The following NUP153 variants were observed in gnomAD, a reference collection of about 807,000 sequenced individuals.
NUP153 encodes nuclear pore complex protein Nup153.
Under a neutral mutation model 134.6 loss-of-function variants are expected in NUP153, and 27 were observed. The observed-to-expected ratio is 0.20, with a 90% confidence interval of 0.15 to 0.28. NUP153 has a LOEUF of 0.28. Among genes scored for constraint, NUP153 ranks in the 10% least tolerant of loss-of-function variants. The probability of loss-of-function intolerance (pLI) is 1.00; values close to 1 mark genes in which losing one functional copy is unlikely to be tolerated. For missense variants in NUP153, 1,821 were observed against 1,731.3 expected, an observed-to-expected ratio of 1.05 and a Z score of -0.92; for synonymous variants, 640 against 623.5, an observed-to-expected ratio of 1.03 and a Z score of -0.40.
At chr6:17,705,656 G>C (rs1362565629) in intron 1 of NUP153, among the ~76,000 whole-genome samples, 2 of 151,796 alleles carry the variant, frequency 1.3e-5, no homozygotes, top group African/African-American at 4.9e-5. Context: ...AAATGCCCCA[G>C]TGCCACGGTT....
intron 2 of NUP153, among the ~76,000 whole-genome samples, chr6:17,677,425 G>T (rs1768285663): frequency 6.6e-6 from 1 of 151,992 alleles, no homozygotes; most frequent in African/African-American, 2.4e-5. Context: ...GTAGGGGGTG[G>T]GGGAGAGTAG....
intron 2 of NUP153, among the ~76,000 whole-genome samples, chr6:17,682,594 A>G (rs1768655544): frequency 6.6e-6 from 1 of 152,122 alleles, no homozygotes; most frequent in Non-Finnish European, 1.5e-5. Context: ...AAATGTGCAC[A>G]GTATCTTCAC....
intron 5 of NUP153, among the ~76,000 whole-genome samples, chr6:17,669,992 G>A (rs1007932262): frequency 6.6e-6 from 1 of 151,176 alleles, no homozygotes; most frequent in Non-Finnish European, 1.5e-5. Flanking sequence ...CTACTCGAGA[G>A]GCTGAGGCAG....
chr6:17,675,792 T>G lies in NUP153; in HGVS notation c.335-22A>C. 6.2e-7 allele frequency: 1 copy of G among 1,606,400 alleles called. No homozygotes were observed. The highest frequency in any genetic ancestry group is 8.5e-7 in the Non-Finnish European group (1 of 1,172,920). The stretch of plus-strand genomic sequence containing the variant: ...GGTTCTTAAAAGAAAAGCATTAATA[T>G]TATGAATATACAACTTAGAGCGATA... On this transcript the variant is annotated intron_variant, in intron 2 of 21. Coordinates refer to ENST00000262077, the MANE Select transcript of NUP153 (RefSeq NM_005124.4). This position sits in a 1 kb window ranked among gnomAD's most constrained non-coding sequence, Gnocchi z 4.4.
chr6:17,697,783 A>C (rs1277223162), intron 1 of NUP153, among the ~76,000 whole-genome samples: 6 of 152,176 alleles, frequency 3.9e-5, no homozygotes, highest in Non-Finnish European at 8.8e-5. Flanking sequence ...CTATTCTATA[A>C]CACTAACTCA....
At position 17,675,013 on chromosome 6, in the gene NUP153, G is replaced by A. The variant is rs1768130830; in HGVS notation, c.744C>T (p.Ile248=). 1 of 1,613,424 alleles carries A rather than the reference G, an allele frequency of 6.2e-7. No homozygotes were observed. The change falls in exon 5 of 22, where the codon ATC becomes ATT. Residue 248 remains isoleucine (I), a synonymous_variant. Transcript: ENST00000262077. This position sits in a 1 kb window ranked among gnomAD's most constrained non-coding sequence, Gnocchi z 4.4. ...TLSPSLGNSS[I]LKTSQLGDSP... ...AATCTCCAAGCTGACTGGTTTTAAG[G>A]ATTGAAGAATTCCCAAGTGACTGCA... is the stretch of plus-strand genomic sequence containing the variant.
chr6:17,691,780 A>G (rs1392552147), intron 1 of NUP153, among the ~76,000 whole-genome samples: 2 of 152,080 alleles, frequency 1.3e-5, no homozygotes, highest in Non-Finnish European at 2.9e-5. Context: ...ACAAAGACAT[A>G]CTTGATATAG....
chr6:17,683,909 T>A (rs555343143), intron 2 of NUP153, among the ~76,000 whole-genome samples: 3 of 152,162 alleles, frequency 2.0e-5, no homozygotes. Flanking sequence ...TGATCCTCAA[T>A]GTTGGAAGTG....
At chr6:17,664,424 T>C (rs540817985) in intron 9 of NUP153, among the ~76,000 whole-genome samples, 2 of 152,110 alleles carry the variant, frequency 1.3e-5, no homozygotes, top group South Asian at 4.2e-4. Flanking sequence ...AGGGTGAGGG[T>C]TTGAGGTCTG....
intron 16 of NUP153, among the ~76,000 whole-genome samples, chr6:17,636,328 CTG>C (rs1276604757): frequency 1.4e-5 from 2 of 139,192 alleles, no homozygotes; most frequent in Non-Finnish European, 3.0e-5. Flanking sequence ...CAGTGAGACT[CTG>C]TCTCAAAAAA....
chr6:17,690,301 G>C (rs765969624), intron 1 of NUP153, among the ~76,000 whole-genome samples: 4 of 102,106 alleles, frequency 3.9e-5, no homozygotes, highest in Admixed American at 1.0e-4. Context: ...GCAGTGAGCC[G>C]AATGTGCAGT....
At chr6:17,695,153 T>C (rs1350005153) in intron 1 of NUP153, among the ~76,000 whole-genome samples, 6 of 152,214 alleles carry the variant, frequency 3.9e-5, no homozygotes, top group African/African-American at 1.4e-4. Context: ...CAAAATTCCC[T>C]TTAAATTGTG....
intron 2 of NUP153, among the ~76,000 whole-genome samples, chr6:17,677,317 A>G (rs1187554723): frequency 6.6e-6 from 1 of 152,172 alleles, no homozygotes; most frequent in Non-Finnish European, 1.5e-5. Context: ...TCAGAGGAAG[A>G]TGACAGAACC....
chr6:17,661,558 T>C, intron 11 of NUP153, 95 bp downstream of exon 11: 1 of 1,209,138 alleles, frequency 8.3e-7, no homozygotes, highest in Non-Finnish European at 1.1e-6. Flanking sequence ...TTGCTCTGGG[T>C]CTCTTCGAAC....
At chr6:17,669,235 C>T (rs947413154) in intron 7 of NUP153, 58 bp downstream of exon 7, 5 of 1,460,808 alleles carry the variant, frequency 3.4e-6, no homozygotes, top group Middle Eastern at 2.2e-4. Context: ...TGCACCACCA[C>T]ACCCGGCTAA....
intron 5 of NUP153, 82 bp from the exon 6 acceptor site, chr6:17,669,628 G>C (rs1309992079): frequency 2.1e-6 from 2 of 930,854 alleles, no homozygotes; most frequent in Non-Finnish European, 3.5e-6. Context: ...TTACAAGATA[G>C]AATGGATGTC....
intron 15 of NUP153, among the ~76,000 whole-genome samples, chr6:17,639,369 G>A (rs1311806752): frequency 1.3e-5 from 2 of 152,030 alleles, no homozygotes; most frequent in African/African-American, 2.4e-5. Context: ...GTGAGCCACC[G>A]CGCCTGGCAA....
intron 2 of NUP153, among the ~76,000 whole-genome samples, chr6:17,681,051 T>C (rs1241693116): frequency 6.6e-6 from 1 of 151,816 alleles, no homozygotes; most frequent in Admixed American, 6.6e-5. Context: ...ACAAAGAAAC[T>C]GTGCTACATA....
chr6:17,635,012 TA>T (rs1765461111), intron 16 of NUP153, among the ~76,000 whole-genome samples: 1 of 150,526 alleles, frequency 6.6e-6, no homozygotes, highest in Non-Finnish European at 1.5e-5. Context: ...AAGAATCTCA[TA>T]ATGTTTTAGA....
Sources: gnomAD v4.1 joint callset for allele counts (sites outside exome capture counted in the v4.1 genomes callset) on GRCh38, gnomAD v4.1.1 for gene constraint, Gnocchi (gnomAD v3.1) non-coding constraint, MANE v1.5 for transcripts, NCBI Gene and HGNC (gene_info 2026-07-23, HGNC 2026-07-21) for gene names.